The following ABCC6 variants were observed in gnomAD, a reference collection of about 807,000 sequenced individuals.
The protein encoded by ABCC6 is ATP-binding cassette sub-family C member 6.
In ABCC6, 126 loss-of-function variants were observed where a neutral mutation model predicts 169.5. The ratio of observed to expected loss-of-function variants is 0.74; its 90% confidence interval spans 0.64 to 0.86. The LOEUF (loss-of-function observed/expected upper bound fraction) is 0.86, where lower values mean the gene tolerates loss of function less well. Among genes scored for constraint, ABCC6 ranks in the 40% least tolerant of loss-of-function variants. The probability of loss-of-function intolerance (pLI) is 0.00; values close to 1 mark genes in which losing one functional copy is unlikely to be tolerated. For synonymous variants in ABCC6, 752 were observed against 814.7 expected (o/e 0.92, Z 1.31); for missense variants, 1,733 against 1,927.2 (o/e 0.90, Z 1.89).
chr16:16,160,628 C>CAAAAA lies in ABCC6; in HGVS notation c.3633+805_3633+809dup, dbSNP rs34511090. On this transcript the variant is annotated intron_variant, in intron 25 of 30. Transcript: ENST00000205557. The stretch of plus-strand genomic sequence containing the variant: ...GGCAACATGGTGAAACTGTTTCTAC[C>CAAAAA]AAAAAAAAAAAAAAAAAAAAAAAAA... 5.7e-3 allele frequency among the ~76,000 whole-genome samples: 432 copies of CAAAAA among 76,366 alleles called. 36 individuals are homozygous for CAAAAA. The highest frequency in any genetic ancestry group is 0.021 in the African/African-American group (376 of 18,048). The allele number at this position is 76,366 out of a possible 152,430, so 50.1% of individuals were successfully genotyped here.
At chr16:16,188,110 A>C (rs576305138) in intron 13 of ABCC6, among the ~76,000 whole-genome samples, 14 of 151,250 alleles carry the variant, frequency 9.3e-5, no homozygotes, top group Admixed American at 2.0e-4. Flanking sequence ...GACTGGGTGC[A>C]GTGGCTCATG....
intron 11 of ABCC6, among the ~76,000 whole-genome samples, chr16:16,192,629 A>C (rs1223924960): frequency 1.3e-5 from 2 of 152,128 alleles, no homozygotes; most frequent in African/African-American, 4.8e-5. Context: ...TGTGGCCTGA[A>C]CATTGGAGGG....
In ABCC6 at chr16:16,165,779, C is replaced by T. The variant is rs2046853760; in HGVS notation, c.3150G>A (p.Lys1050=). Residue 1050 remains lysine (K), a synonymous_variant, in exon 23 of 31, where the codon AAG becomes AAA. Transcript: ENST00000205557. The part of the protein sequence containing the change: ...PIGHLLNRFS[K]ETDTVDVDIP... ...TGTCCACGTCAACCGTGTCTGTCTC[C>T]TTGGAGAAGCGGTTTAGCAGGTGAC... The T allele has an allele frequency of 6.2e-7, 1 of 1,613,670 alleles. No homozygotes were observed. Among genetic ancestry groups the T allele is most frequent in the African/African-American group, 1.3e-5 (1 of 74,928 alleles).
At chr16:16,222,610 T>C (rs1023053569) in intron 1 of ABCC6, among the ~76,000 whole-genome samples, 12 of 151,940 alleles carry the variant, frequency 7.9e-5, no homozygotes, top group South Asian at 2.1e-4. Flanking sequence ...GAACTCCTGG[T>C]CTCAAGCAAT....
intron 7 of ABCC6, among the ~76,000 whole-genome samples, chr16:16,206,395 C>T (rs62030356): frequency 0.07 from 10,550 of 149,694 alleles, 488 homozygotes; most frequent in Middle Eastern, 0.11. Flanking sequence ...GAGGCCAATG[C>T]GGGCGAATCA....
In ABCC6 at chr16:16,221,515, T is replaced by C; in HGVS notation, c.219+134A>G. ...TTGACCTCTGTAGCCTTTCTAATAT[T>C]GCTCTGTTTGATTAACAGATTCCCT... is the stretch of plus-strand genomic sequence containing the variant. On this transcript the variant is annotated intron_variant, in intron 2 of 30. Transcript: ENST00000205557. 4.0e-6 allele frequency: 6 copies of C among 1,492,246 alleles called. No individual in the cohort carries two copies. The South Asian group carries it at 8.0e-5, about 20-fold the overall frequency. 92.4% of individuals were successfully genotyped at this position (1,492,246 alleles called of 1,614,324 possible).
intron 13 of ABCC6, 40 bp downstream of exon 13, chr16:16,188,791 C>T: frequency 6.2e-7 from 1 of 1,600,552 alleles, no homozygotes; most frequent in Non-Finnish European, 8.5e-7. Flanking sequence ...GTAGCCCACG[C>T]ACTCTCCCAG....
chr16:16,150,085 G>A lies in ABCC6; in HGVS notation c.*48C>T. ...ACGGGTCACTTCCATCTCCAGCACT[G>A]CAGGCTGTGCGGGCTGGTCCAACTG... is the stretch of plus-strand genomic sequence containing the variant. On this transcript the variant is annotated 3_prime_UTR_variant, in exon 31 of 31. Transcript: ENST00000205557. 1 of 1,608,848 alleles carries A rather than the reference G, an allele frequency of 6.2e-7. No homozygotes were observed. Among genetic ancestry groups the A allele is most frequent in the Non-Finnish European group, 8.5e-7 (1 of 1,178,550 alleles).
intron 7 of ABCC6, among the ~76,000 whole-genome samples, chr16:16,208,296 C>T (rs145873207): frequency 2.6e-5 from 4 of 151,840 alleles, no homozygotes; most frequent in South Asian, 2.1e-4. Flanking sequence ...GCGGCAGTGC[C>T]GCCAGAGTAG....
At chr16:16,168,483 C>CTA (rs1320628477) in intron 22 of ABCC6, among the ~76,000 whole-genome samples, 22 of 152,062 alleles carry the variant, frequency 1.4e-4, no homozygotes, top group African/African-American at 1.9e-4. Context: ...CAGACCCAGT[C>CTA]TATATATATG....
Position 16,161,670 on chromosome 16 carries a change from T to C in ABCC6, c.3507-106A>G, listed in dbSNP as rs942904079. On this transcript the variant is annotated intron_variant, in intron 24 of 30. Coordinates refer to ENST00000205557, the MANE Select transcript of ABCC6 (RefSeq NM_001171.6). ...CACACCAGCTTTGTACACACAGGGG[T>C]CCCAGCAATGGCCTCCACATGCAAC... is the stretch of plus-strand genomic sequence containing the variant. 2.3e-5 allele frequency: 34 copies of C among 1,498,344 alleles called. 1 individual carries two copies. The South Asian group carries it at 3.4e-4, about 15-fold the overall frequency. 92.8% of individuals were successfully genotyped at this position (1,498,344 alleles called of 1,614,324 possible). A position where few individuals can be genotyped will look rare whatever the true frequency, so the allele number is the denominator to read the frequency against.
intron 4 of ABCC6, among the ~76,000 whole-genome samples, chr16:16,217,247 C>T (rs1367484357): frequency 6.6e-6 from 1 of 152,050 alleles, no homozygotes; most frequent in Admixed American, 6.6e-5. Context: ...GACAATATGG[C>T]CCATCTTCCC....
At position 16,181,399 on chromosome 16, in the gene ABCC6, C is replaced by G. The variant is rs192822527; in HGVS notation, c.2247+1013G>C. 1.1e-3 allele frequency among the ~76,000 whole-genome samples: 167 copies of G among 148,676 alleles called. 1 individual carries two copies. The highest frequency in any genetic ancestry group is 4.0e-3 in the African/African-American group (160 of 40,320). ...AAAGCAGGTGCAGGTGTAGGGTGCA[C>G]TAACAATAGTAGGGTGGCTGTGGTG... On this transcript the variant is annotated intron_variant, in intron 17 of 30. Coordinates refer to ENST00000205557, the MANE Select transcript of ABCC6 (RefSeq NM_001171.6).
intron 11 of ABCC6, among the ~76,000 whole-genome samples, chr16:16,191,021 A>C (rs913267705): frequency 2.0e-5 from 3 of 151,272 alleles, no homozygotes; most frequent in African/African-American, 7.3e-5. Context: ...GCGTGTGGGC[A>C]GGGTCACTTG....
intron 23 of ABCC6, among the ~76,000 whole-genome samples, chr16:16,164,346 T>G (rs1300571166): frequency 6.6e-6 from 1 of 152,168 alleles, no homozygotes; most frequent in Non-Finnish European, 1.5e-5. Flanking sequence ...CCATGGTTTT[T>G]ATCTGACTAC....
chr16:16,217,975 A>T (rs1342298719), intron 4 of ABCC6, among the ~76,000 whole-genome samples: 1 of 152,200 alleles, frequency 6.6e-6, no homozygotes, highest in Non-Finnish European at 1.5e-5. Flanking sequence ...CTGTAATCCC[A>T]GCTACTTGGG....
chr16:16,168,164 C>G (rs183703075), intron 22 of ABCC6, among the ~76,000 whole-genome samples: 1 of 14,660 alleles, frequency 6.8e-5, no homozygotes, highest in Non-Finnish European at 2.3e-4. Flanking sequence ...TGAATGAGGA[C>G]GAATCAACAT....
At chr16:16,184,730 G>A (rs986013912) in intron 15 of ABCC6, among the ~76,000 whole-genome samples, 1 of 152,060 alleles carries the variant, frequency 6.6e-6, no homozygotes, top group Admixed American at 6.6e-5. Flanking sequence ...AGGCTCAGAT[G>A]CCCTGGTCCC....
chr16:16,179,902 T>C (rs1224120458), intron 17 of ABCC6, among the ~76,000 whole-genome samples: 1 of 152,174 alleles, frequency 6.6e-6, no homozygotes, highest in Non-Finnish European at 1.5e-5. Context: ...ACTTGTATTA[T>C]TATTGCATTG....
Sources: gnomAD v4.1 joint callset for allele counts (sites outside exome capture counted in the v4.1 genomes callset) on GRCh38, gnomAD v4.1.1 for gene constraint, MANE v1.5 for transcripts, NCBI Gene and HGNC (gene_info 2026-07-23, HGNC 2026-07-21) for gene names.